Variants in MSTO1 observed in about 807,000 individuals in gnomAD.
MSTO1 encodes the protein protein misato homolog 1.
A neutral mutation model predicts 55.7 loss-of-function variants in MSTO1; 24 were observed. The ratio of observed to expected loss-of-function variants is 0.43; its 90% CI spans 0.31 to 0.61. The LOEUF is 0.61. Among genes scored for constraint, MSTO1 ranks in the 20% least tolerant of loss-of-function variants. The probability of loss-of-function intolerance (pLI) is 0.09; values close to 1 mark genes in which losing one functional copy is unlikely to be tolerated. For synonymous variants in MSTO1, 162 were observed against 252.8 expected (o/e 0.64, Z 3.41); for missense variants, 363 against 625.7 (o/e 0.58, Z 4.48).
Position 155,612,870 on chromosome 1 carries a change from C to T in MSTO1, c.993C>T (p.Ala331=). ...CCACTCTGCCCTTCCACTGCAGTGC[C>T]ATCCTGGCTACAGCCCTGGACACAG... ...YDATLPFHCS[A]ILATALDTVT... Residue 331 remains alanine, a synonymous_variant, in exon 10 of 14, where the codon GCC becomes GCT. Transcript: ENST00000245564. 6.2e-7 allele frequency: 1 copy of T among 1,613,942 alleles called. No individual in the cohort carries two copies. The highest frequency in any genetic ancestry group is 1.3e-5 in the African/African-American group (1 of 75,044).
At chr1:155,587,229 G>T in the MSTO1 span, among the ~76,000 whole-genome samples, 1 of 150,924 alleles carries the variant, frequency 6.6e-6, no homozygotes, top group South Asian at 2.1e-4. Flanking sequence ...ATCACCTGAG[G>T]TAGGAGTTCG....
the MSTO1 span, among the ~76,000 whole-genome samples, chr1:155,564,601 G>A: frequency 2.6e-5 from 4 of 152,094 alleles, no homozygotes; most frequent in African/African-American, 7.2e-5. Flanking sequence ...TACTTGTTTC[G>A]TTTCTTTAAG....
the MSTO1 span, among the ~76,000 whole-genome samples, chr1:155,600,510 A>G: frequency 2.0e-5 from 3 of 151,806 alleles, no homozygotes; most frequent in African/African-American, 4.9e-5. Context: ...CCCACAGCAT[A>G]TGTCCCTTTT....
the MSTO1 span, among the ~76,000 whole-genome samples, chr1:155,588,207 CAAA>C: frequency 2.9e-4 from 28 of 95,790 alleles, no homozygotes; most frequent in Admixed American, 4.2e-4. Context: ...GACTGTGTCT[CAAA>C]AAAAAAAAAA....
chr1:155,583,102 C>A, the MSTO1 span, among the ~76,000 whole-genome samples: 1 of 151,888 alleles, frequency 6.6e-6, no homozygotes, highest in Admixed American at 6.6e-5. Context: ...AACTCCTGGC[C>A]TCAAATGATT....
At chr1:155,568,153 C>T in the MSTO1 span, among the ~76,000 whole-genome samples, 1 of 150,610 alleles carries the variant, frequency 6.6e-6, no homozygotes, top group Non-Finnish European at 1.5e-5. Context: ...GATCTGGGCT[C>T]ACTGCAACCT....
upstream of MSTO1, among the ~76,000 whole-genome samples, chr1:155,609,243 A>ATATATTT (rs59756178): frequency 1.9e-3 from 103 of 54,558 alleles, 3 homozygotes; most frequent in East Asian, 3.7e-3. Flanking sequence ...ATATATATAT[A>ATATATTT]TTTTTTTTTT....
At chr1:155,609,770 G>GTTA (rs1336568564), upstream of MSTO1, 16 of 177,408 alleles carry the variant, frequency 9.0e-5, no homozygotes, top group Non-Finnish European at 1.3e-4. Flanking sequence ...CAGTCCACAG[G>GTTA]TTATTAGTCG....
chr1:155,599,503 T>C, the MSTO1 span, among the ~76,000 whole-genome samples: 3 of 152,146 alleles, frequency 2.0e-5, no homozygotes, highest in Non-Finnish European at 4.4e-5. Context: ...TCAGTATAGG[T>C]TGTCAAAACT....
At chr1:155,590,784 C>G in the MSTO1 span, 1 of 1,606,282 alleles carries the variant, frequency 6.2e-7, no homozygotes, top group East Asian at 2.2e-5. Flanking sequence ...GGGAGGCCCC[C>G]AGCTCCCACT....
chr1:155,587,254 A>G, the MSTO1 span, among the ~76,000 whole-genome samples: 1 of 152,020 alleles, frequency 6.6e-6, no homozygotes, highest in South Asian at 2.1e-4. Context: ...CAGCATAGCC[A>G]ACATGGGGAA....
At chr1:155,590,824 AAGTCCC>A in the MSTO1 span, 3 of 1,607,646 alleles carry the variant, frequency 1.9e-6, no homozygotes, top group East Asian at 6.7e-5. Context: ...GGGGTTATAG[AAGTCCC>A]AGATGATGGC....
chr1:155,597,613 G>A, the MSTO1 span, among the ~76,000 whole-genome samples: 9 of 151,048 alleles, frequency 6.0e-5, no homozygotes, highest in Admixed American at 2.6e-4. Flanking sequence ...GGGTTCAAGC[G>A]ATTCTCCCGT....
Position 155,610,273 on chromosome 1 carries a change from C to G in MSTO1, c.25C>G (p.Leu9Val). 1 of 880,502 alleles carries G rather than the reference C, an allele frequency of 1.1e-6. No individual in the cohort carries two copies. The highest frequency in any genetic ancestry group is 1.7e-6 in the Non-Finnish European group (1 of 574,596). 54.5% of individuals were successfully genotyped at this position (880,502 alleles called of 1,614,324 possible). Residue 9 changes from leucine (L) to valine (V), a missense_variant, in exon 1 of 14, where the codon CTC (leucine) becomes GTC (valine). Physicochemically the swap from Leu to Val is conservative, Grantham distance 32 (BLOSUM62 1). Transcript: ENST00000245564. ...TATGGCGGGCGGGGCCCGGGAGGTG[C>G]TCACACTGCAGTTGGGACATTTTGC... MAGGAREVLTLQLGHFAGF... is the reference protein window; with the variant it reads MAGGAREVVTLQLGHFAGF...
chr1:155,614,196 G>C lies in MSTO1; in HGVS notation c.1636G>C (p.Asp546His). 1 of 1,168,780 alleles carries C rather than the reference G, an allele frequency of 8.6e-7. No homozygotes were observed. Among genetic ancestry groups the C allele is most frequent in the African/African-American group, 1.6e-5 (1 of 63,810 alleles). 72.4% of individuals were successfully genotyped at this position (1,168,780 alleles called of 1,614,324 possible). A position where few individuals can be genotyped will look rare whatever the true frequency, so the allele number is the denominator to read the frequency against. The change falls in exon 14 of 14, where the codon GAT becomes CAT. Residue 546 changes from aspartate (D) to histidine (H), a missense_variant. By Grantham distance (81) the Asp-to-His change is moderately conservative (BLOSUM62 -1). Transcript: ENST00000245564. ...CTTCATGGATGCTGGAGTGGAGCAC[G>C]ATGACGTAGCAGAGCTGCTGCAGGA... ...ASFMDAGVEH[D>H]DVAELLQELQ...
chr1:155,578,189 A>T, the MSTO1 span, among the ~76,000 whole-genome samples: 1 of 152,044 alleles, frequency 6.6e-6, no homozygotes, highest in Non-Finnish European at 1.5e-5. Context: ...TTGGAAATAT[A>T]ATATCCTAAA....
the MSTO1 span, among the ~76,000 whole-genome samples, chr1:155,581,675 T>A: frequency 6.6e-6 from 1 of 152,178 alleles, no homozygotes; most frequent in Non-Finnish European, 1.5e-5. Flanking sequence ...GTACTGGGAT[T>A]ACAGGCGTGA....
At chr1:155,574,970 G>A in the MSTO1 span, among the ~76,000 whole-genome samples, 43 of 150,882 alleles carry the variant, frequency 2.8e-4, no homozygotes, top group Middle Eastern at 3.4e-3. Flanking sequence ...GGGTTCAAGC[G>A]ATTCTCCTGC....
chr1:155,594,617 TTCTC>T, the MSTO1 span, among the ~76,000 whole-genome samples: 2 of 151,814 alleles, frequency 1.3e-5, no homozygotes, highest in Non-Finnish European at 2.9e-5. Context: ...TAAGCCGTGT[TTCTC>T]TCTCTCTTTT....
Sources: allele counts gnomAD v4.1 joint callset (sites outside exome capture counted in the v4.1 genomes callset), GRCh38; gene constraint gnomAD v4.1.1; transcripts MANE v1.5; gene names NCBI Gene and HGNC (gene_info 2026-07-23, HGNC 2026-07-21).